NYAP2: variants seen among roughly 807,000 people sequenced by gnomAD.
NYAP2 encodes neuronal tyrosine-phosphorylated phosphoinositide-3-kinase adapter 2.
In NYAP2, 23 loss-of-function variants were observed where a neutral mutation model predicts 50.4. The ratio of observed to expected loss-of-function variants is 0.46; its 90% CI spans 0.33 to 0.65. The LOEUF (loss-of-function observed/expected upper bound fraction) is 0.65, where lower values mean the gene tolerates loss of function less well. Among genes scored for constraint, NYAP2 ranks in the 30% least tolerant of loss-of-function variants. The probability of loss-of-function intolerance (pLI) is 0.02; values close to 1 mark genes in which losing one functional copy is unlikely to be tolerated. For synonymous variants in NYAP2, 394 were observed against 365.2 expected, an observed-to-expected ratio of 1.08 and a Z score of -0.90; for missense variants, 885 against 861.0, an observed-to-expected ratio of 1.03 and a Z score of -0.35.
chr2:225,666,834 T>C, the NYAP2 span, among the ~76,000 whole-genome samples: 431 of 146,500 alleles, frequency 2.9e-3, 1 homozygote, highest in African/African-American at 9.8e-3. Flanking sequence ...AGATACATAT[T>C]CCCCCCCCTC....
chr2:225,628,291 A>G (rs1693245448), intron 6 of NYAP2, among the ~76,000 whole-genome samples: 1 of 152,034 alleles, frequency 6.6e-6, no homozygotes, highest in African/African-American at 2.4e-5. Context: ...TGTCACAAAG[A>G]AAAAGAAACA....
At chr2:225,534,133 T>C (rs1327226249) in intron 4 of NYAP2, among the ~76,000 whole-genome samples, 1 of 152,146 alleles carries the variant, frequency 6.6e-6, no homozygotes, top group Non-Finnish European at 1.5e-5. Context: ...TTTGGAGATG[T>C]TGAGAAAACA....
chr2:225,600,903 G>A (rs1018491222), intron 5 of NYAP2, among the ~76,000 whole-genome samples: 18 of 151,968 alleles, frequency 1.2e-4, no homozygotes, highest in South Asian at 4.2e-4. Context: ...TTTTTAAGGC[G>A]GAATAATATT....
chr2:225,419,276 C>T (rs772367312), intron 3 of NYAP2, among the ~76,000 whole-genome samples: 9 of 152,152 alleles, frequency 5.9e-5, no homozygotes, highest in East Asian at 1.9e-4. Flanking sequence ...GCTCCGATAA[C>T]GGGAAGATTC....
chr2:225,400,087 T>C lies in NYAP2; in HGVS notation c.-669T>C, dbSNP rs1489743512. The C allele has an allele frequency of 2.0e-5, 3 of 152,072 alleles. No individual in the cohort carries two copies. In the South Asian group the frequency reaches 6.2e-4, roughly 31 times the overall value. The allele number at this position is 152,072 out of a possible 1,614,324, so 9.4% of individuals were successfully genotyped here. ...GCCCCCAGGGAGCCGAAATCCAAAG[T>C]AGAACGATGCCGCTTTCCGGTTTCT... On this transcript the variant is annotated 5_prime_UTR_variant, in exon 1 of 7. Coordinates refer to ENST00000636099, the Ensembl canonical transcript of NYAP2.
intron 3 of NYAP2, among the ~76,000 whole-genome samples, chr2:225,474,761 G>A (rs895179242): frequency 6.6e-6 from 1 of 152,206 alleles, no homozygotes; most frequent in Non-Finnish European, 1.5e-5. Context: ...TGCAAACAAG[G>A]ACAATTTGAC....
the NYAP2 span, among the ~76,000 whole-genome samples, chr2:225,678,769 A>T: frequency 6.6e-6 from 1 of 152,196 alleles, no homozygotes; most frequent in East Asian, 1.9e-4. Flanking sequence ...TGCATTGCCC[A>T]TGAAGCAGTG....
At chr2:225,501,026 G>GT (rs911161620) in intron 3 of NYAP2, among the ~76,000 whole-genome samples, 3 of 152,176 alleles carry the variant, frequency 2.0e-5, no homozygotes, top group African/African-American at 7.2e-5. Flanking sequence ...GGCTGAGAAA[G>GT]TAACTAGTTG....
At chr2:225,651,696 C>G in exon 7 of NYAP2, 2 of 913,736 alleles carry the variant, frequency 2.2e-6, no homozygotes, top group Non-Finnish European at 3.3e-6. Context: ...TTCTGGCAGT[C>G]TGTGTTTTCA....
intron 3 of NYAP2, among the ~76,000 whole-genome samples, chr2:225,459,856 G>T: frequency 6.6e-6 from 1 of 151,988 alleles, no homozygotes; most frequent in East Asian, 1.9e-4. Flanking sequence ...TGTGTTTTTA[G>T]TAGAGATGGG....
At chr2:225,520,280 G>C (rs1300040109) in intron 4 of NYAP2, among the ~76,000 whole-genome samples, 3 of 152,040 alleles carry the variant, frequency 2.0e-5, no homozygotes, top group African/African-American at 7.2e-5. Flanking sequence ...AGTTTAATTA[G>C]ATCCCATTTG....
chr2:225,574,764 C>G (rs368972427), intron 4 of NYAP2, among the ~76,000 whole-genome samples: 1 of 152,124 alleles, frequency 6.6e-6, no homozygotes, highest in Non-Finnish European at 1.5e-5. Flanking sequence ...CATTGTGGCA[C>G]AGTGTTTGTG....
rs1241259568 is a variant in NYAP2, at chr2:225,647,315, G to T, written c.1829-4117G>T. ...AAGGATGATTCCTTAAGGTATGCAA[G>T]GATTTAGGCATCCTGGGAAATGAGG... On this transcript the variant is annotated intron_variant, in intron 6 of 6. Coordinates refer to ENST00000636099, the Ensembl canonical transcript of NYAP2. Among the ~76,000 whole-genome samples the T allele has an allele frequency of 2.6e-5, 4 of 152,260 alleles. No homozygotes were observed. The East Asian group carries it at 5.8e-4, about 22-fold the overall frequency.
chr2:225,465,733 A>G (rs976645395), intron 3 of NYAP2, among the ~76,000 whole-genome samples: 6 of 152,046 alleles, frequency 3.9e-5, no homozygotes, highest in African/African-American at 7.2e-5. Context: ...AAACAAACAA[A>G]CAAAAAACAC....
intron 3 of NYAP2, among the ~76,000 whole-genome samples, chr2:225,511,057 A>C (rs888851325): frequency 3.9e-5 from 6 of 152,182 alleles, no homozygotes; most frequent in Admixed American, 2.6e-4. Context: ...CTGGCTAAAT[A>C]AATCCTTAAA....
intron 3 of NYAP2, among the ~76,000 whole-genome samples, chr2:225,426,166 A>G (rs1374125478): frequency 1.3e-5 from 2 of 151,128 alleles, no homozygotes; most frequent in African/African-American, 2.4e-5. Context: ...ATTCTACTTA[A>G]TATTTTCACC....
rs188736104 is a variant in NYAP2, at chr2:225,512,930, G to A, written c.222-441G>A. Among the ~76,000 whole-genome samples, 618 of 111,378 alleles carry A rather than the reference G, an allele frequency of 5.5e-3. 5 individuals are homozygous for A. Among genetic ancestry groups the A allele is most frequent in the African/African-American group, 0.02 (590 of 30,208 alleles). The allele number at this position is 111,378 out of a possible 152,430, so 73.1% of individuals were successfully genotyped here. ...TCCTTTCTTTTTCTTTCTTTCTTTC[G>A]TAACAGAACATTTATTATTGTTTTT... On this transcript the variant is annotated intron_variant, in intron 3 of 6. Coordinates refer to ENST00000636099, the Ensembl canonical transcript of NYAP2.
chr2:225,612,510 G>A (rs893183482), intron 5 of NYAP2, among the ~76,000 whole-genome samples: 2 of 151,994 alleles, frequency 1.3e-5, no homozygotes, highest in Non-Finnish European at 2.9e-5. Flanking sequence ...GTTTGCTCAG[G>A]CTACCATAAC....
At chr2:225,664,968 G>T in the NYAP2 span, among the ~76,000 whole-genome samples, 1 of 152,120 alleles carries the variant, frequency 6.6e-6, no homozygotes, top group Non-Finnish European at 1.5e-5. Context: ...ATACTCGAGT[G>T]ATACAAGTAT....
Sources: allele counts gnomAD v4.1 joint callset (sites outside exome capture counted in the v4.1 genomes callset), GRCh38; gene constraint gnomAD v4.1.1; transcripts MANE v1.5; gene names NCBI Gene and HGNC (gene_info 2026-07-23, HGNC 2026-07-21).